RANBP2: variants seen among roughly 807,000 people sequenced by gnomAD.
The protein encoded by RANBP2 is RAN binding protein 2, also known as E3 SUMO-protein ligase RanBP2.
In RANBP2, 57 loss-of-function variants were observed where a neutral mutation model predicts 303.6. The ratio of observed to expected loss-of-function variants is 0.19; its 90% CI spans 0.15 to 0.23. The LOEUF is 0.23. Ranked by LOEUF, RANBP2 falls within the 10% of genes least tolerant of loss-of-function variation. The probability of loss-of-function intolerance (pLI) is 1.00; values close to 1 mark genes in which losing one functional copy is unlikely to be tolerated. For synonymous variants in RANBP2, 1,167 were observed against 1,301.5 expected (o/e 0.90, Z 2.23); for missense variants, 3,138 against 3,780.8 (o/e 0.83, Z 4.46).
At chr2:108,910,750 G>A in the RANBP2 span, 10 of 1,611,194 alleles carry the variant, frequency 6.2e-6, no homozygotes, top group African/African-American at 9.4e-5. Flanking sequence ...CGTGCACATG[G>A]TGTGTGGAAG....
the RANBP2 span, among the ~76,000 whole-genome samples, chr2:108,807,829 G>T: frequency 6.6e-6 from 1 of 152,082 alleles, no homozygotes; most frequent in Admixed American, 6.6e-5. Context: ...TGTTGGCCAG[G>T]GTGGTCTCAA....
At chr2:109,726,958 A>C in the RANBP2 span, among the ~76,000 whole-genome samples, 4 of 152,332 alleles carry the variant, frequency 2.6e-5, no homozygotes, top group Non-Finnish European at 5.9e-5. Context: ...TGCCAACCTC[A>C]GAGCTGCATG....
chr2:109,042,304 G>A, the RANBP2 span, among the ~76,000 whole-genome samples: 1 of 152,016 alleles, frequency 6.6e-6, no homozygotes, highest in Non-Finnish European at 1.5e-5. Context: ...TCTATCTCTG[G>A]CTGTTTTAAG....
chr2:109,181,496 C>T, the RANBP2 span, among the ~76,000 whole-genome samples: 17 of 152,290 alleles, frequency 1.1e-4, no homozygotes, highest in African/African-American at 2.6e-4. Flanking sequence ...CACACACACA[C>T]GCACACTAAC....
chr2:109,388,846 G>T, the RANBP2 span, among the ~76,000 whole-genome samples: 3 of 151,244 alleles, frequency 2.0e-5, no homozygotes, highest in African/African-American at 7.3e-5. Flanking sequence ...AGAGAGAAGG[G>T]GGTATAGAGA....
the RANBP2 span, among the ~76,000 whole-genome samples, chr2:108,959,582 C>A: frequency 6.6e-6 from 1 of 151,430 alleles, no homozygotes; most frequent in South Asian, 2.1e-4. Context: ...AGTCATGGGG[C>A]TGAGGGGAGC....
At chr2:109,426,047 G>A in the RANBP2 span, among the ~76,000 whole-genome samples, 1 of 152,192 alleles carries the variant, frequency 6.6e-6, no homozygotes, top group Non-Finnish European at 1.5e-5. Context: ...ACAGGCGCAT[G>A]CCACCACGCC....
At chr2:109,172,172 A>G in the RANBP2 span, among the ~76,000 whole-genome samples, 1 of 152,192 alleles carries the variant, frequency 6.6e-6, no homozygotes, top group Non-Finnish European at 1.5e-5. Context: ...TATGCCGATG[A>G]GTGAGCTGTG....
chr2:108,777,104 A>G, intron 24 of RANBP2, 26 bp from the exon 25 acceptor site: 4 of 1,597,442 alleles, frequency 2.5e-6, no homozygotes, highest in Non-Finnish European at 3.4e-6. Flanking sequence ...ATTAAATAGT[A>G]AATTGTTCTT....
the RANBP2 span, among the ~76,000 whole-genome samples, chr2:109,220,610 G>A: frequency 1.3e-5 from 2 of 152,114 alleles, no homozygotes; most frequent in South Asian, 2.1e-4. Flanking sequence ...ATGGGTCAAG[G>A]TTTTCAGTAA....
the RANBP2 span, among the ~76,000 whole-genome samples, chr2:109,560,665 A>C: frequency 6.6e-6 from 1 of 152,184 alleles, no homozygotes; most frequent in Admixed American, 6.5e-5. Context: ...ACTCAAAGTC[A>C]ACAGGTCCCA....
At chr2:109,545,404 C>T in the RANBP2 span, 60 of 1,535,302 alleles carry the variant, frequency 3.9e-5, no homozygotes, top group East Asian at 4.4e-4. Flanking sequence ...ACACGCCTTG[C>T]GATTATCATC....
At chr2:109,565,245 AG>A in the RANBP2 span, among the ~76,000 whole-genome samples, 1 of 152,172 alleles carries the variant, frequency 6.6e-6, no homozygotes, top group Non-Finnish European at 1.5e-5. Flanking sequence ...AATCCATACT[AG>A]TAAGGGTAAT....
At chr2:109,086,283 G>C in the RANBP2 span, among the ~76,000 whole-genome samples, 21 of 152,150 alleles carry the variant, frequency 1.4e-4, no homozygotes, top group Middle Eastern at 3.4e-3. Flanking sequence ...GGAGGGGGGC[G>C]GTCATTGTAA....
At chr2:109,012,550 A>G in the RANBP2 span, among the ~76,000 whole-genome samples, 1 of 152,162 alleles carries the variant, frequency 6.6e-6, no homozygotes, top group East Asian at 1.9e-4. Context: ...AATGACAATG[A>G]AGCCCAAGCT....
the RANBP2 span, among the ~76,000 whole-genome samples, chr2:109,760,971 C>T: frequency 7.6e-6 from 1 of 131,600 alleles, no homozygotes; most frequent in African/African-American, 3.0e-5. Flanking sequence ...GTTTCCCCCT[C>T]TCCTGTTCGC....
the RANBP2 span, among the ~76,000 whole-genome samples, chr2:109,525,494 C>G: frequency 6.6e-6 from 1 of 152,174 alleles, no homozygotes; most frequent in Non-Finnish European, 1.5e-5. Flanking sequence ...GCACCCTCAC[C>G]AGCCGGAGCC....
chr2:109,210,799 T>C, the RANBP2 span, among the ~76,000 whole-genome samples: 1 of 152,236 alleles, frequency 6.6e-6, no homozygotes, highest in Non-Finnish European at 1.5e-5. Flanking sequence ...GACCTATTTC[T>C]AAAGCATGAG....
At chr2:109,187,693 A>G in the RANBP2 span, among the ~76,000 whole-genome samples, 2 of 152,198 alleles carry the variant, frequency 1.3e-5, no homozygotes, top group African/African-American at 2.4e-5. Flanking sequence ...ATGTCACCCA[A>G]GGACTCATTT....
Sources: allele counts gnomAD v4.1 joint callset (sites outside exome capture counted in the v4.1 genomes callset), GRCh38; gene constraint gnomAD v4.1.1; transcripts MANE v1.5; gene names NCBI Gene and HGNC (gene_info 2026-07-23, HGNC 2026-07-21).